NCOA1: variants seen among roughly 807,000 people sequenced by gnomAD.
NCOA1 encodes the protein Hin-2 protein.
NCOA1 carries 35 observed loss-of-function variants against 150.9 expected under a neutral mutation model. That is an observed-to-expected ratio of 0.23 (90% CI 0.18 to 0.31). The LOEUF is 0.31. NCOA1 is among the 10% of genes least tolerant of loss of function. The pLI is 1.00. For missense variants in NCOA1, 1,491 were observed against 1,749.3 expected, an observed-to-expected ratio of 0.85 and a Z score of 2.63; for synonymous variants, 590 against 630.0, an observed-to-expected ratio of 0.94 and a Z score of 0.95.
intron 3 of NCOA1, among the ~76,000 whole-genome samples, chr2:24,621,717 T>C (rs1014261963): frequency 9.2e-5 from 14 of 152,070 alleles, no homozygotes; most frequent in Non-Finnish European, 1.5e-4. Flanking sequence ...AGACCTCGGG[T>C]GATCCATCCT....
intron 8 of NCOA1, among the ~76,000 whole-genome samples, chr2:24,687,380 T>G (rs1441273513): frequency 1.3e-5 from 2 of 152,088 alleles, no homozygotes; most frequent in Non-Finnish European, 2.9e-5. Flanking sequence ...AACTTTTATT[T>G]TAGATTCAGT....
chr2:24,620,551 G>T (rs1009746913), intron 3 of NCOA1, among the ~76,000 whole-genome samples: 2 of 152,158 alleles, frequency 1.3e-5, no homozygotes, highest in Non-Finnish European at 2.9e-5. Flanking sequence ...GGAGGTTTTG[G>T]TGAGCTGAGA....
At chr2:24,704,083 A>G (rs1381026929) in intron 11 of NCOA1, among the ~76,000 whole-genome samples, 1 of 152,206 alleles carries the variant, frequency 6.6e-6, no homozygotes, top group African/African-American at 2.4e-5. Flanking sequence ...CTACTTATAA[A>G]GTGACTTGAC....
intron 2 of NCOA1, among the ~76,000 whole-genome samples, chr2:24,574,078 C>T (rs1037972535): frequency 5.9e-5 from 9 of 151,892 alleles, no homozygotes; most frequent in African/African-American, 1.9e-4. Context: ...AAAGCTACTT[C>T]TTAGGGTTGA....
chr2:24,732,197 T>C (rs1663049604), intron 17 of NCOA1, among the ~76,000 whole-genome samples: 1 of 152,212 alleles, frequency 6.6e-6, no homozygotes. Flanking sequence ...AGAGAAGCCC[T>C]GCAAAGGTAT....
chr2:24,686,312 T>C (rs564885446), intron 8 of NCOA1, among the ~76,000 whole-genome samples: 24 of 152,286 alleles, frequency 1.6e-4, no homozygotes, highest in Non-Finnish European at 3.1e-4. Context: ...CCTGTTCTTC[T>C]TTTTTGAATT....
chr2:24,710,914 T>TA lies in NCOA1; in HGVS notation c.2419-17_2419-16insA. 6.2e-7 allele frequency: 1 copy of TA among 1,611,108 alleles called. No homozygotes were observed. The highest frequency in any genetic ancestry group is 1.3e-5 in the African/African-American group (1 of 74,944). Reference sequence around the variant, plus strand: ...AGTGTAAAATATATTTCCTCTAACTTTGGTTTCCATTCTTAGTTTACAGCT... The same window carrying TA: ...AGTGTAAAATATATTTCCTCTAACTTATGGTTTCCATTCTTAGTTTACAGCT... On this transcript the variant is annotated splice_polypyrimidine_tract_variant and intron_variant, in intron 13 of 22. Transcript: ENST00000348332.
In NCOA1 at chr2:24,752,033, G is replaced by C; in HGVS notation, c.3758G>C (p.Ser1253Thr). The C allele has an allele frequency of 6.2e-7, 1 of 1,614,090 alleles. No homozygotes were observed. The highest frequency in any genetic ancestry group is 8.5e-7 in the Non-Finnish European group (1 of 1,179,974). The change falls in exon 20 of 23, where the codon AGC becomes ACC. Residue 1253 changes from serine (S) to threonine (T), a missense_variant. By Grantham distance (58) the Ser-to-Thr change is moderately conservative. Coordinates refer to ENST00000348332, the MANE Select transcript of NCOA1 (RefSeq NM_003743.5). ...TTTGCTCCATCTCTAAGCCCTGGGA[G>C]CTCCATGGTGCCGATGCCAATCCCT... ...ANFAPSLSPG[S>T]SMVPMPIPPP...
At chr2:24,530,012 T>C (rs1021138313) in intron 1 of NCOA1, among the ~76,000 whole-genome samples, 4 of 152,220 alleles carry the variant, frequency 2.6e-5, no homozygotes, top group African/African-American at 9.7e-5. Flanking sequence ...CTACTACTTC[T>C]TAGAAATAGC....
At chr2:24,563,763 C>T (rs1170022620) in intron 1 of NCOA1, among the ~76,000 whole-genome samples, 2 of 152,132 alleles carry the variant, frequency 1.3e-5, no homozygotes, top group Non-Finnish European at 2.9e-5. Flanking sequence ...AGCAATCTGC[C>T]CACCTTGGCC....
At chr2:24,709,394 A>G (rs1363159292) in intron 13 of NCOA1, among the ~76,000 whole-genome samples, 1 of 152,108 alleles carries the variant, frequency 6.6e-6, no homozygotes, top group Non-Finnish European at 1.5e-5. Flanking sequence ...TTAGATTTTT[A>G]GCTATTCTGA....
At chr2:24,549,504 C>T (rs1665739442) in intron 1 of NCOA1, among the ~76,000 whole-genome samples, 1 of 152,194 alleles carries the variant, frequency 6.6e-6, no homozygotes, top group Admixed American at 6.5e-5. Flanking sequence ...GAATTCTCCT[C>T]AGAAAATAGG....
chr2:24,681,259 G>A (rs1672150304), intron 7 of NCOA1, among the ~76,000 whole-genome samples: 1 of 152,154 alleles, frequency 6.6e-6, no homozygotes, highest in Non-Finnish European at 1.5e-5. Flanking sequence ...AGCTACGTGG[G>A]AGGCTGAAGC....
At chr2:24,710,155 AC>A (rs1673669720) in intron 13 of NCOA1, among the ~76,000 whole-genome samples, 2 of 151,952 alleles carry the variant, frequency 1.3e-5, no homozygotes, top group African/African-American at 2.4e-5. Context: ...GTGCAGTGGC[AC>A]GATCTCGGCT....
intron 1 of NCOA1, among the ~76,000 whole-genome samples, chr2:24,553,066 C>T (rs527892221): frequency 6.7e-4 from 102 of 152,140 alleles, no homozygotes; most frequent in Non-Finnish European, 9.7e-4. Context: ...GTTCATGTCT[C>T]GTTCGTCATC....
Position 24,491,712 on chromosome 2 carries a change from T to C in NCOA1, c.-396+110T>C, listed in dbSNP as rs930658462. ...GAGCAGCTGGCGCCCCTCCGCCCCCTGCTCTCCTTTCTCCCGCTCCATCCT... is the reference window on the plus strand; with the variant it reads ...GAGCAGCTGGCGCCCCTCCGCCCCCCGCTCTCCTTTCTCCCGCTCCATCCT... On this transcript the variant is annotated intron_variant, in intron 1 of 22. Coordinates refer to ENST00000348332, the MANE Select transcript of NCOA1 (RefSeq NM_003743.5). 4.0e-5 allele frequency among the ~76,000 whole-genome samples: 6 copies of C among 150,860 alleles called. No homozygotes were observed. In the East Asian group the frequency reaches 5.9e-4, roughly 15 times the overall value.
chr2:24,699,445 A>G lies in NCOA1; in HGVS notation c.949+1647A>G, dbSNP rs538882012. The stretch of plus-strand genomic sequence containing the variant: ...ATTGATTAAAGTATTATAAGTAACT[A>G]GTTTGTCATTAATATATAAACTGAA... On this transcript the variant is annotated intron_variant, in intron 11 of 22. Coordinates refer to ENST00000348332, the MANE Select transcript of NCOA1 (RefSeq NM_003743.5). Among the ~76,000 whole-genome samples the G allele has an allele frequency of 3.3e-5, 5 of 152,332 alleles. No individual in the cohort carries two copies. In the South Asian group the frequency reaches 8.3e-4, roughly 25 times the overall value.
At position 24,719,480 on chromosome 2, in the gene NCOA1, A is replaced by AGAT. The variant is rs146117939; in HGVS notation, c.2600-7109_2600-7108insGAT. Among the ~76,000 whole-genome samples the AGAT allele has an allele frequency of 2.2e-3, 329 of 152,364 alleles. 2 individuals are homozygous for AGAT. The highest frequency in any genetic ancestry group is 6.4e-3 in the African/African-American group (266 of 41,596). On this transcript the variant is annotated intron_variant, in intron 14 of 22. Coordinates refer to ENST00000348332, the MANE Select transcript of NCOA1 (RefSeq NM_003743.5). ...CATCAATGAAGTTTAGTTTAGAAAT[A>AGAT]TCTGAGAGTAGAATGATTTCCAGCC...
chr2:24,755,807 A>G (rs534823870), intron 20 of NCOA1, among the ~76,000 whole-genome samples: 5 of 152,230 alleles, frequency 3.3e-5, no homozygotes, highest in African/African-American at 7.2e-5. Flanking sequence ...ATTTTTTTCA[A>G]TAAGTATGAC....
Sources: gnomAD v4.1 joint callset for allele counts (sites outside exome capture counted in the v4.1 genomes callset) on GRCh38, gnomAD v4.1.1 for gene constraint, MANE v1.5 for transcripts, NCBI Gene and HGNC (gene_info 2026-07-23, HGNC 2026-07-21) for gene names.